Variants in VEPH1 observed in about 807,000 individuals in gnomAD.
VEPH1 encodes ventricular zone-expressed PH domain-containing protein homolog 1.
Under a neutral mutation model 85.2 loss-of-function variants are expected in VEPH1, and 80 were observed. The ratio of observed to expected loss-of-function variants is 0.94; its 90% CI spans 0.78 to 1.13. The LOEUF (loss-of-function observed/expected upper bound fraction) is 1.13, where lower values mean the gene tolerates loss of function less well. Among genes scored for constraint, VEPH1 ranks in the 50% most tolerant of loss-of-function variants. The probability of loss-of-function intolerance (pLI) is 0.00; values close to 1 mark genes in which losing one functional copy is unlikely to be tolerated. For synonymous variants in VEPH1, 297 were observed against 348.0 expected, an observed-to-expected ratio of 0.85 and a Z score of 1.63; for missense variants, 955 against 980.5, an observed-to-expected ratio of 0.97 and a Z score of 0.35.
intron 4 of VEPH1, among the ~76,000 whole-genome samples, chr3:157,447,582 T>A (rs988447198): frequency 2.0e-5 from 3 of 151,318 alleles, no homozygotes; most frequent in Non-Finnish European, 4.4e-5. Context: ...TGGATATGGT[T>A]CTGCTTCCAA....
At chr3:157,491,533 T>G (rs910695811) in intron 2 of VEPH1, among the ~76,000 whole-genome samples, 1 of 152,148 alleles carries the variant, frequency 6.6e-6, no homozygotes, top group African/African-American at 2.4e-5. Flanking sequence ...CATTTCATAG[T>G]AGTATTTTGT....
At chr3:157,309,029 ATCT>A (rs140325879) in intron 11 of VEPH1, among the ~76,000 whole-genome samples, 191 of 152,140 alleles carry the variant, frequency 1.3e-3, no homozygotes, top group African/African-American at 4.4e-3. Context: ...TGTTGAATTT[ATCT>A]TCTTATTTCA....
rs374797677 is a variant in VEPH1 at position 157,362,830 on chromosome 3, T to A, written c.1735+534A>T. 1.9e-4 allele frequency among the ~76,000 whole-genome samples: 29 copies of A among 152,310 alleles called. 1 individual carries two copies. The South Asian group carries it at 5.8e-3, about 30-fold the overall frequency. On this transcript the variant is annotated intron_variant, in intron 9 of 13. Coordinates refer to ENST00000362010, the MANE Select transcript of VEPH1 (RefSeq NM_001167912.2). ...TTATAATGGGTTTTTGGGGACATAGTCTCATCCTAAGTTGAGCATCATCAT... is the reference window on the plus strand; with the variant it reads ...TTATAATGGGTTTTTGGGGACATAGACTCATCCTAAGTTGAGCATCATCAT...
chr3:157,278,401 A>G (rs537295469), intron 12 of VEPH1, among the ~76,000 whole-genome samples: 1 of 152,360 alleles, frequency 6.6e-6, no homozygotes, highest in South Asian at 2.1e-4. Flanking sequence ...CTTCTAGGCA[A>G]AGCAAAGAGA....
intron 12 of VEPH1, among the ~76,000 whole-genome samples, chr3:157,272,364 CTTTCTCTTTCT>C (rs1714733000): frequency 8.1e-6 from 1 of 123,584 alleles, no homozygotes; most frequent in African/African-American, 2.8e-5. Flanking sequence ...CTCTTTCTTT[CTTTCTCTTTCT>C]TTTCTTTCTT....
At chr3:157,439,890 A>G (rs981513276) in intron 4 of VEPH1, among the ~76,000 whole-genome samples, 2 of 152,132 alleles carry the variant, frequency 1.3e-5, no homozygotes, top group Non-Finnish European at 2.9e-5. Context: ...AGCTGGGACT[A>G]CAGGTGCTCG....
intron 6 of VEPH1, among the ~76,000 whole-genome samples, chr3:157,396,424 A>G (rs1182731062): frequency 6.6e-6 from 1 of 152,234 alleles, no homozygotes; most frequent in African/African-American, 2.4e-5. Flanking sequence ...TCTTTACAAC[A>G]GAATGATTTA....
intron 5 of VEPH1, among the ~76,000 whole-genome samples, chr3:157,424,974 G>A (rs970996892): frequency 2.0e-5 from 3 of 152,180 alleles, no homozygotes; most frequent in South Asian, 2.1e-4. Context: ...GAATTTCAGA[G>A]GTCTTCATGG....
At chr3:157,376,278 T>G (rs942706079) in intron 7 of VEPH1, among the ~76,000 whole-genome samples, 1 of 152,186 alleles carries the variant, frequency 6.6e-6, no homozygotes, top group African/African-American at 2.4e-5. Context: ...TGGTGCCTGA[T>G]TATAGCAGCC....
chr3:157,406,964 G>C (rs1731182627), intron 6 of VEPH1, among the ~76,000 whole-genome samples: 1 of 146,144 alleles, frequency 6.8e-6, no homozygotes, highest in African/African-American at 2.5e-5. Flanking sequence ...TAAATAGATG[G>C]AAAGATACAT....
At chr3:157,459,990 C>T (rs948375123) in intron 4 of VEPH1, 191 bp downstream of exon 4, 8 of 1,540,070 alleles carry the variant, frequency 5.2e-6, no homozygotes, top group Non-Finnish European at 6.1e-6. Context: ...AATTCATCTG[C>T]CTTGGGAAGG....
intron 9 of VEPH1, among the ~76,000 whole-genome samples, chr3:157,344,739 C>G (rs987644081): frequency 1.3e-5 from 2 of 152,134 alleles, no homozygotes. Flanking sequence ...GCCAAAATAA[C>G]AAAGCTGGAG....
chr3:157,369,186 A>AC lies in VEPH1; in HGVS notation c.1128-4675_1128-4674insG, dbSNP rs200338260. On this transcript the variant is annotated intron_variant, in intron 7 of 13. Transcript: ENST00000362010. Reference sequence around the variant, plus strand: ...ACAACAACAAAAACCAAATGAAAAAAAAAAAAAAAAAAAAAAAACCTCCTG... The same window carrying AC: ...ACAACAACAAAAACCAAATGAAAAAACAAAAAAAAAAAAAAAAAACCTCCTG... Among the ~76,000 whole-genome samples, 712 of 141,118 alleles carry AC rather than the reference A, an allele frequency of 5.0e-3. 25 individuals are homozygous for AC. Among genetic ancestry groups the AC allele is most frequent in the African/African-American group, 0.018 (675 of 37,492 alleles). 92.6% of individuals were successfully genotyped at this position (141,118 alleles called of 152,430 possible). A position where few individuals can be genotyped will look rare whatever the true frequency, so the allele number is the denominator to read the frequency against.
chr3:157,341,722 GT>G (rs1161234776), intron 9 of VEPH1, among the ~76,000 whole-genome samples: 1 of 152,124 alleles, frequency 6.6e-6, no homozygotes, highest in African/African-American at 2.4e-5. Flanking sequence ...ACACATAATT[GT>G]CAGATTCACC....
intron 11 of VEPH1, among the ~76,000 whole-genome samples, chr3:157,311,084 T>A (rs1331681981): frequency 6.6e-6 from 1 of 152,252 alleles, no homozygotes; most frequent in Non-Finnish European, 1.5e-5. Flanking sequence ...GAGAGCCTAG[T>A]GTGTGCCAAG....
chr3:157,455,865 G>A (rs1036658562), intron 4 of VEPH1, among the ~76,000 whole-genome samples: 7 of 152,088 alleles, frequency 4.6e-5, no homozygotes, highest in Non-Finnish European at 8.8e-5. Flanking sequence ...CTTTGCTAAC[G>A]TGAATAGTGC....
intron 2 of VEPH1, among the ~76,000 whole-genome samples, chr3:157,491,805 T>G (rs921483050): frequency 3.9e-5 from 6 of 152,324 alleles, no homozygotes; most frequent in Non-Finnish European, 8.8e-5. Flanking sequence ...TAAACTTATC[T>G]AATTACAAGT....
At chr3:157,284,837 T>A (rs1716573933) in intron 12 of VEPH1, 1 of 152,214 alleles carries the variant, frequency 6.6e-6, no homozygotes, top group African/African-American at 2.4e-5. Flanking sequence ...GAATTTTTAT[T>A]GCTATATGTT....
chr3:157,312,064 A>G (rs1177197937), intron 11 of VEPH1, among the ~76,000 whole-genome samples: 1 of 152,204 alleles, frequency 6.6e-6, no homozygotes, highest in African/African-American at 2.4e-5. Context: ...ATTTAAAAAT[A>G]TTATGTTAGT....
Sources: gnomAD v4.1 joint callset for allele counts (sites outside exome capture counted in the v4.1 genomes callset) on GRCh38, gnomAD v4.1.1 for gene constraint, MANE v1.5 for transcripts, NCBI Gene and HGNC (gene_info 2026-07-23, HGNC 2026-07-21) for gene names.